The following TCF4 variants were observed in gnomAD, a reference collection of about 807,000 sequenced individuals.
TCF4 encodes transcription factor 4.
In TCF4, 3 loss-of-function variants were observed where a neutral mutation model predicts 82.1. That is an observed-to-expected ratio of 0.04 (90% CI 0.02 to 0.09). TCF4 has a LOEUF of 0.09. TCF4 is among the 10% of genes least tolerant of loss of function. The pLI is 1.00. For missense variants in TCF4, 518 were observed against 852.7 expected, an observed-to-expected ratio of 0.61 and a Z score of 4.89; for synonymous variants, 276 against 309.6, an observed-to-expected ratio of 0.89 and a Z score of 1.14.
At chr18:55,238,583 G>A (rs1437949360) in intron 15 of TCF4, among the ~76,000 whole-genome samples, 1 of 152,152 alleles carries the variant, frequency 6.6e-6, no homozygotes, top group Non-Finnish European at 1.5e-5. Flanking sequence ...ACCTATTTGA[G>A]TTTGTTCAAA....
At chr18:55,322,425 G>GAA (rs967879627) in intron 8 of TCF4, 44,065 of 698,944 alleles carry the variant, frequency 0.063, 29 homozygotes, top group Middle Eastern at 0.07. Context: ...GGGGAGGGAA[G>GAA]AAAAAAAAAA....
chr18:55,243,057 G>T (rs1196869783), intron 15 of TCF4, among the ~76,000 whole-genome samples: 2 of 152,182 alleles, frequency 1.3e-5, no homozygotes, highest in African/African-American at 2.4e-5. Flanking sequence ...AGAAGAACAT[G>T]ACATTTTAGG....
At chr18:55,488,270 T>A (rs944336884) in intron 3 of TCF4, among the ~76,000 whole-genome samples, 1 of 152,218 alleles carries the variant, frequency 6.6e-6, no homozygotes, top group Non-Finnish European at 1.5e-5. Context: ...TTGGTGTCCG[T>A]ATTTCAAGCA....
chr18:55,306,603 A>G (rs1227468700), intron 8 of TCF4, among the ~76,000 whole-genome samples: 1 of 152,228 alleles, frequency 6.6e-6, no homozygotes, highest in Non-Finnish European at 1.5e-5. Context: ...AACGACAGGC[A>G]TGAAAGAGGT....
chr18:55,341,150 G>T (rs1211330301), intron 8 of TCF4, among the ~76,000 whole-genome samples: 1 of 152,140 alleles, frequency 6.6e-6, no homozygotes, highest in African/African-American at 2.4e-5. Context: ...GAGCTTTTTG[G>T]TCTACAGAGT....
chr18:55,561,248 C>A (rs2097352628), intron 3 of TCF4, among the ~76,000 whole-genome samples: 1 of 152,102 alleles, frequency 6.6e-6, no homozygotes, highest in African/African-American at 2.4e-5. Context: ...CTAGTGGTGC[C>A]CTATACATAC....
intron 5 of TCF4, among the ~76,000 whole-genome samples, chr18:55,451,620 T>C (rs78421321): frequency 1.3e-5 from 2 of 152,120 alleles, no homozygotes; most frequent in Admixed American, 1.3e-4. Context: ...GCACTTAAGG[T>C]GGACACAGAA....
Position 55,234,585 on chromosome 18 carries a change from A to T in TCF4, c.1449T>A (p.Thr483=). 1 of 1,614,154 alleles carries T rather than the reference A, an allele frequency of 6.2e-7. No homozygotes were observed. The highest frequency in any genetic ancestry group is 8.5e-7 in the Non-Finnish European group (1 of 1,180,000). Residue 483 remains threonine (T), a synonymous_variant, in exon 16 of 20, where the codon ACT becomes ACA. Coordinates refer to ENST00000354452, the MANE Select transcript of TCF4 (RefSeq NM_001083962.2). The part of the protein sequence containing the change: ...PVPQLPVQSA[T]SPDLNPPQDP... ...CCTGGGGTGGGTTCAGGTCAGGGGA[A>T]GTCGCAGACTGGACAGGAAGCTGTG...
chr18:55,260,484 A>C (rs1435983166), intron 12 of TCF4, among the ~76,000 whole-genome samples: 2 of 152,230 alleles, frequency 1.3e-5, no homozygotes, highest in Non-Finnish European at 1.5e-5. Context: ...ATGCTAATAC[A>C]GTGTGAACTT....
At chr18:55,473,448 T>A (rs918904146) in intron 3 of TCF4, among the ~76,000 whole-genome samples, 7 of 152,182 alleles carry the variant, frequency 4.6e-5, no homozygotes, top group Non-Finnish European at 5.9e-5. Flanking sequence ...ATTGGTGAAG[T>A]CAATAGTTTT....
chr18:55,503,049 AT>A (rs1388638350), intron 3 of TCF4, among the ~76,000 whole-genome samples: 1 of 152,194 alleles, frequency 6.6e-6, no homozygotes, highest in African/African-American at 2.4e-5. Context: ...ATCCTTATTC[AT>A]TCTAAATGTC....
rs147129608 is a variant in TCF4 at position 55,535,907 on chromosome 18, C to G, written c.145+49373G>C. On this transcript the variant is annotated intron_variant, in intron 3 of 19. Coordinates refer to ENST00000354452, the MANE Select transcript of TCF4 (RefSeq NM_001083962.2). ...GAAAGTAATATTTTACATCTGGAAA[C>G]AGTCCGATGACAAATGAGAACAAAC... Among the ~76,000 whole-genome samples, 39 of 152,320 alleles carry G rather than the reference C, an allele frequency of 2.6e-4. No homozygotes were observed. The East Asian group carries it at 6.7e-3, about 26-fold the overall frequency.
At chr18:55,451,707 T>C (rs1319837298) in intron 5 of TCF4, among the ~76,000 whole-genome samples, 1 of 152,174 alleles carries the variant, frequency 6.6e-6, no homozygotes, top group Non-Finnish European at 1.5e-5. Context: ...AATGAGAGGT[T>C]TGAGAAACAC....
intron 6 of TCF4, among the ~76,000 whole-genome samples, chr18:55,391,953 ATCT>A (rs2093145348): frequency 9.3e-6 from 1 of 107,006 alleles, no homozygotes; most frequent in South Asian, 3.2e-4. Context: ...AAAAAAAAAA[ATCT>A]TTTTTTTTTT....
At chr18:55,517,280 T>A (rs1418547359) in intron 3 of TCF4, among the ~76,000 whole-genome samples, 1 of 152,142 alleles carries the variant, frequency 6.6e-6, no homozygotes, top group East Asian at 1.9e-4. Flanking sequence ...GCTGGGTGAT[T>A]TTCTACCATG....
At chr18:55,603,297 A>G (rs1210750055) in intron 2 of TCF4, among the ~76,000 whole-genome samples, 4 of 152,154 alleles carry the variant, frequency 2.6e-5, no homozygotes, top group East Asian at 3.9e-4. Flanking sequence ...GTCCCTCAGT[A>G]ATTAGTCACC....
chr18:55,379,739 C>G (rs1194813492), intron 6 of TCF4, among the ~76,000 whole-genome samples: 1 of 152,126 alleles, frequency 6.6e-6, no homozygotes, highest in Non-Finnish European at 1.5e-5. Context: ...TTAATGATGT[C>G]TAAGTCAATT....
chr18:55,476,198 A>G (rs545846644), intron 3 of TCF4, among the ~76,000 whole-genome samples: 129 of 152,292 alleles, frequency 8.5e-4, no homozygotes, highest in African/African-American at 2.8e-3. Flanking sequence ...GGAAACATCT[A>G]AAATATTTTA....
At chr18:55,501,327 GA>G (rs371762650) in intron 3 of TCF4, among the ~76,000 whole-genome samples, 5 of 149,612 alleles carry the variant, frequency 3.3e-5, no homozygotes, top group East Asian at 2.0e-4. Flanking sequence ...ATTCGGAAGG[GA>G]AAAAAAAACC....
Sources: gnomAD v4.1 joint callset for allele counts (sites outside exome capture counted in the v4.1 genomes callset) on GRCh38, gnomAD v4.1.1 for gene constraint, MANE v1.5 for transcripts, NCBI Gene and HGNC (gene_info 2026-07-23, HGNC 2026-07-21) for gene names.